NDE1: variants seen among roughly 807,000 people sequenced by gnomAD.
NDE1 encodes the protein nudE neurodevelopment protein 1.
A neutral mutation model predicts 43.4 loss-of-function variants in NDE1; 28 were observed. That is an observed-to-expected ratio of 0.65 (90% CI 0.48 to 0.89). NDE1 has a LOEUF of 0.89. Among genes scored for constraint, NDE1 ranks in the 40% least tolerant of loss-of-function variants. The pLI, the probability that NDE1 is intolerant of heterozygous loss-of-function variation, is 0.00. For synonymous variants in NDE1, 184 were observed against 172.0 expected, an observed-to-expected ratio of 1.07 and a Z score of -0.55; for missense variants, 441 against 434.1, an observed-to-expected ratio of 1.02 and a Z score of -0.14.
chr16:15,700,783 C>T (rs1330373592), intron 8 of NDE1, among the ~76,000 whole-genome samples: 1 of 151,928 alleles, frequency 6.6e-6, no homozygotes, highest in Non-Finnish European at 1.5e-5. Context: ...TTTTAATGTC[C>T]CAAGTCTCCG....
At position 15,699,540 on chromosome 16, in the gene NDE1, T is replaced by C. The variant is rs1427295741; in HGVS notation, c.947+2680T>C. The C allele has an allele frequency of 2.5e-6, 3 of 1,185,214 alleles. No homozygotes were observed. In the African/African-American group the frequency reaches 4.8e-5, roughly 19 times the overall value. 73.4% of individuals were successfully genotyped at this position (1,185,214 alleles called of 1,614,324 possible). On this transcript the variant is annotated intron_variant, in intron 8 of 8. Coordinates refer to ENST00000396354, the MANE Select transcript of NDE1 (RefSeq NM_017668.3). The stretch of plus-strand genomic sequence containing the variant: ...CTAGTGGGTCTGAGACTGGGCGTTT[T>C]GTGTGACCTTGGAATCTGAGAGCCA...
In NDE1 at chr16:15,696,741, C is replaced by T; in HGVS notation, c.828C>T (p.Asn276=). ...ALESKLASCR[N]LVYDQSPNRT... The stretch of plus-strand genomic sequence containing the variant: ...AGTCCAAACTCGCTTCCTGCCGGAA[C>T]CTCGTGTACGATCAGTCCCCAAACC... Residue 276 remains asparagine (N), a synonymous_variant, in exon 8 of 9, where the codon AAC becomes AAT. Transcript: ENST00000396354. 1 of 1,614,230 alleles carries T rather than the reference C, an allele frequency of 6.2e-7. No individual in the cohort carries two copies. The highest frequency in any genetic ancestry group is 8.5e-7 in the Non-Finnish European group (1 of 1,180,052).
chr16:15,719,819 C>T, intron 8 of NDE1: 4 of 1,498,024 alleles, frequency 2.7e-6, no homozygotes, highest in East Asian at 4.5e-5. Flanking sequence ...TGCAGTTGAC[C>T]ACAAAGAAGT....
intron 1 of NDE1, chr16:15,651,871 T>G (rs1402816229): frequency 6.6e-6 from 1 of 152,176 alleles, no homozygotes; most frequent in African/African-American, 2.4e-5. Flanking sequence ...GTTTATTAAC[T>G]TGACTTATTT....
intron 4 of NDE1, among the ~76,000 whole-genome samples, chr16:15,685,245 A>G (rs1303473363): frequency 6.6e-6 from 1 of 151,886 alleles, no homozygotes; most frequent in East Asian, 1.9e-4. Flanking sequence ...TGTTGTTGGT[A>G]GTAGTGTGTT....
upstream of NDE1, among the ~76,000 whole-genome samples, chr16:15,647,364 G>T (rs2036351205): frequency 6.6e-6 from 1 of 152,234 alleles, no homozygotes; most frequent in African/African-American, 2.4e-5. Flanking sequence ...GTCAGAGCCA[G>T]CTCTGAAGCC....
At chr16:15,717,054 G>T in intron 8 of NDE1, 3 of 1,399,720 alleles carry the variant, frequency 2.1e-6, no homozygotes, top group Non-Finnish European at 1.0e-6. Context: ...CAGAACTGAT[G>T]CTGGAAGAGG....
At chr16:15,654,602 C>CAAAAAA (rs200126051) in intron 1 of NDE1, among the ~76,000 whole-genome samples, 4 of 75,616 alleles carry the variant, frequency 5.3e-5, no homozygotes, top group Non-Finnish European at 9.6e-5. Context: ...GATTCCGACT[C>CAAAAAA]AAAAAAAAAA....
At chr16:15,645,718 CA>C (rs1425404498), upstream of NDE1, among the ~76,000 whole-genome samples, 1 of 152,180 alleles carries the variant, frequency 6.6e-6, no homozygotes, top group African/African-American at 2.4e-5. Flanking sequence ...TTAGAGAGTA[CA>C]AGTAACTTTC....
At chr16:15,721,457 C>A in intron 8 of NDE1, 1 of 1,614,224 alleles carries the variant, frequency 6.2e-7, no homozygotes, top group Non-Finnish European at 8.5e-7. Flanking sequence ...CTGACCAGGT[C>A]TTCCATTTCG....
Position 15,650,279 on chromosome 16 carries a change from C to A in NDE1, c.-59C>A. On this transcript the variant is annotated 5_prime_UTR_variant, in exon 1 of 9. Transcript: ENST00000396354. ...TCTGCCGCCGCCGCCGCGTTGGCCT[C>A]GCCGCCCCTGCTCGGGTAAGTGAGG... The A allele has an allele frequency of 3.2e-6, 1 of 315,464 alleles. No individual in the cohort carries two copies. Among genetic ancestry groups the A allele is most frequent in the Non-Finnish European group, 6.5e-6 (1 of 153,002 alleles). 19.5% of individuals were successfully genotyped at this position (315,464 alleles called of 1,614,324 possible).
In NDE1 at chr16:15,650,256, T is replaced by TGCCGCC. The variant is rs539126038; in HGVS notation, c.-73_-68dup. On this transcript the variant is annotated 5_prime_UTR_variant, in exon 1 of 9. Transcript: ENST00000396354. The stretch of plus-strand genomic sequence containing the variant: ...CCGCACCGCCCTTCGCAGCCGCCTC[T>TGCCGCC]GCCGCCGCCGCCGCGTTGGCCTCGC... 3 of 300,790 alleles carry TGCCGCC rather than the reference T, an allele frequency of 1.0e-5. No individual in the cohort carries two copies. The highest frequency in any genetic ancestry group is 6.8e-5 in the African/African-American group (3 of 44,108). 18.6% of individuals were successfully genotyped at this position (300,790 alleles called of 1,614,324 possible). A position where few individuals can be genotyped will look rare whatever the true frequency, so the allele number is the denominator to read the frequency against.
chr16:15,687,569 C>T, intron 5 of NDE1, 58 bp downstream of exon 5: 2 of 1,467,380 alleles, frequency 1.4e-6, no homozygotes, highest in Non-Finnish European at 1.9e-6. Context: ...TGAGCAACAT[C>T]TTGTCCCACA....
chr16:15,707,331 G>A (rs2039511356), intron 8 of NDE1, among the ~76,000 whole-genome samples: 1 of 152,114 alleles, frequency 6.6e-6, no homozygotes, highest in African/African-American at 2.4e-5. Flanking sequence ...GCCTGGCCTA[G>A]CATTTGGATT....
intron 4 of NDE1, among the ~76,000 whole-genome samples, chr16:15,680,271 G>A (rs1279954682): frequency 1.3e-5 from 2 of 151,996 alleles, no homozygotes; most frequent in Non-Finnish European, 2.9e-5. Context: ...CAGAGATGTG[G>A]GAAGATACTA....
chr16:15,673,761 C>T (rs1289776407), intron 3 of NDE1, among the ~76,000 whole-genome samples: 19 of 152,054 alleles, frequency 1.2e-4, no homozygotes, highest in Admixed American at 1.2e-3. Context: ...GCCTCTGCCA[C>T]CTGAGGTGCT....
At chr16:15,683,593 G>A (rs1173752326) in intron 4 of NDE1, among the ~76,000 whole-genome samples, 3 of 151,822 alleles carry the variant, frequency 2.0e-5, no homozygotes, top group Admixed American at 1.3e-4. Flanking sequence ...TGATCCACCC[G>A]CCTCAGCCTC....
chr16:15,697,124 C>T, intron 8 of NDE1: 6 of 927,502 alleles, frequency 6.5e-6, no homozygotes, highest in Non-Finnish European at 6.4e-6. Flanking sequence ...TCATGGCTCA[C>T]CCTCTGCCTC....
intron 8 of NDE1, chr16:15,711,115 T>C (rs1392932331): frequency 6.6e-6 from 1 of 152,294 alleles, no homozygotes; most frequent in Non-Finnish European, 1.5e-5. Context: ...GCGCTCACCA[T>C]GCAGCGAGTG....
Sources: gnomAD v4.1 joint callset for allele counts (sites outside exome capture counted in the v4.1 genomes callset) on GRCh38, gnomAD v4.1.1 for gene constraint, MANE v1.5 for transcripts, NCBI Gene and HGNC (gene_info 2026-07-23, HGNC 2026-07-21) for gene names.